Variants in SCN11A observed in about 807,000 individuals in gnomAD.
SCN11A encodes sodium voltage-gated channel alpha subunit 11.
Under a neutral mutation model 162.2 loss-of-function variants are expected in SCN11A, and 122 were observed. That is an observed-to-expected ratio of 0.75 (90% confidence interval 0.65 to 0.87). The LOEUF (loss-of-function observed/expected upper bound fraction) is 0.87. SCN11A is among the 40% of genes least tolerant of loss of function. The pLI is 0.00. For synonymous variants in SCN11A, 758 were observed against 751.5 expected (o/e 1.01, Z -0.14); for missense variants, 2,015 against 2,181.6 (o/e 0.92, Z 1.52).
intron 27 of SCN11A, among the ~76,000 whole-genome samples, chr3:38,865,582 G>C (rs1328494016): frequency 6.6e-6 from 1 of 151,642 alleles, no homozygotes; most frequent in African/African-American, 2.4e-5. Context: ...TTTGGGGATT[G>C]AGAAATGCCT....
chr3:38,985,372 C>T (rs11715343), intron 2 of SCN11A, among the ~76,000 whole-genome samples: 15,279 of 150,460 alleles, frequency 0.1, 1,210 homozygotes, highest in East Asian at 0.21. Flanking sequence ...CCTCGTGATC[C>T]ACCCATCTCG....
chr3:38,943,685 A>G (rs59730261), intron 7 of SCN11A, among the ~76,000 whole-genome samples: 5,340 of 152,322 alleles, frequency 0.035, 199 homozygotes, highest in East Asian at 0.18. Flanking sequence ...ATGGAAACAC[A>G]CAATTCAGAA....
At chr3:39,043,774 G>A (rs2032116177) in intron 1 of SCN11A, among the ~76,000 whole-genome samples, 1 of 152,000 alleles carries the variant, frequency 6.6e-6, no homozygotes, top group Admixed American at 6.6e-5. Context: ...TAGCACAACA[G>A]GGGGACTACA....
rs766752638 is a variant in SCN11A, at chr3:38,957,642, G to A, written c.-139+2641C>T. On this transcript the variant is annotated intron_variant, in intron 3 of 29. Coordinates refer to ENST00000302328, the MANE Select transcript of SCN11A (RefSeq NM_001349253.2). The stretch of plus-strand genomic sequence containing the variant: ...AGGGTGGCCAGGGCTACCTGTCACA[G>A]GGAACTCTGCAACTGCTCTTCTGTA... Among the ~76,000 whole-genome samples the A allele has an allele frequency of 5.3e-5, 8 of 152,218 alleles. 1 individual carries two copies. The highest frequency in any genetic ancestry group is 3.9e-4 in the Admixed American group (6 of 15,282).
intron 28 of SCN11A, among the ~76,000 whole-genome samples, chr3:38,854,753 T>G (rs1337007720): frequency 2.6e-5 from 4 of 152,294 alleles, no homozygotes; most frequent in Non-Finnish European, 1.5e-5. Flanking sequence ...CGAGAGAAGG[T>G]TGTAACCTTA....
intron 23 of SCN11A, among the ~76,000 whole-genome samples, chr3:38,875,684 C>T (rs542970450): frequency 2.0e-4 from 30 of 152,168 alleles, no homozygotes; most frequent in Admixed American, 1.8e-3. Flanking sequence ...AAGAAAACTA[C>T]AAAACACTGC....
rs1167508992 is a variant in SCN11A at position 38,850,422 on chromosome 3, T to C, written c.4327+59A>G. 2.0e-6 allele frequency: 3 copies of C among 1,475,090 alleles called. No homozygotes were observed. The African/African-American group carries it at 4.2e-5, about 21-fold the overall frequency. The allele number at this position is 1,475,090 out of a possible 1,614,324, so 91.4% of individuals were successfully genotyped here. A position where few individuals can be genotyped will look rare whatever the true frequency, so the allele number is the denominator to read the frequency against. On this transcript the variant is annotated intron_variant, in intron 29 of 29. Coordinates refer to ENST00000302328, the MANE Select transcript of SCN11A (RefSeq NM_001349253.2). ...AGTTTGAACAAACTTCAAAAAATGA[T>C]AAGATTTACAAACTTACTTCTGGTT...
At chr3:38,893,433 C>G (rs927020590) in intron 19 of SCN11A, among the ~76,000 whole-genome samples, 9 of 152,022 alleles carry the variant, frequency 5.9e-5, no homozygotes, top group African/African-American at 1.9e-4. Flanking sequence ...ATCTCAATAC[C>G]TTATTTTCAG....
intron 4 of SCN11A, among the ~76,000 whole-genome samples, chr3:38,952,717 TAA>T (rs1272576188): frequency 6.6e-6 from 1 of 152,244 alleles, no homozygotes; most frequent in Non-Finnish European, 1.5e-5. Context: ...TCCAAACCTT[TAA>T]TGTCTAAATT....
chr3:38,858,867 G>A (rs1024025916), intron 28 of SCN11A, among the ~76,000 whole-genome samples: 1 of 151,870 alleles, frequency 6.6e-6, no homozygotes, highest in African/African-American at 2.4e-5. Context: ...ACTCCAAAAG[G>A]AACCTTCAAA....
At chr3:39,038,441 G>A (rs1272494285) in intron 1 of SCN11A, among the ~76,000 whole-genome samples, 1 of 152,206 alleles carries the variant, frequency 6.6e-6, no homozygotes. Context: ...ATAAACAGCA[G>A]AAAATAAAAC....
At chr3:38,889,652 C>T (rs1362761527) in intron 19 of SCN11A, among the ~76,000 whole-genome samples, 55 of 149,486 alleles carry the variant, frequency 3.7e-4, no homozygotes, top group African/African-American at 1.3e-3. Context: ...ACAAAAAAAT[C>T]AGCCGAGTGT....
rs114134297 is a variant in SCN11A at position 38,987,753 on chromosome 3, C to A, written c.-279-27330G>T. ...TGTGAAGCCACAGAGCCCGGGGCTGCTCTCTCAGGGAGCCAAGGTGCCCTC... is the reference window on the plus strand; with the variant it reads ...TGTGAAGCCACAGAGCCCGGGGCTGATCTCTCAGGGAGCCAAGGTGCCCTC... On this transcript the variant is annotated intron_variant, in intron 2 of 29. Transcript: ENST00000302328. 5.9e-3 allele frequency among the ~76,000 whole-genome samples: 895 copies of A among 152,262 alleles called. 8 individuals carry two copies. Among genetic ancestry groups the A allele is most frequent in the African/African-American group, 0.021 (855 of 41,548 alleles).
At chr3:38,972,175 G>A (rs2066820396) in intron 2 of SCN11A, among the ~76,000 whole-genome samples, 1 of 152,234 alleles carries the variant, frequency 6.6e-6, no homozygotes, top group Admixed American at 6.5e-5. Context: ...TCCTGCTGCA[G>A]AGAAGAGCTC....
intron 2 of SCN11A, among the ~76,000 whole-genome samples, chr3:38,994,833 G>C (rs1049964918): frequency 6.6e-6 from 1 of 152,162 alleles, no homozygotes. Flanking sequence ...CTCTGGGGGA[G>C]AGACTCACAT....
chr3:38,991,444 C>A (rs1344996245), intron 2 of SCN11A, among the ~76,000 whole-genome samples: 2 of 152,208 alleles, frequency 1.3e-5, no homozygotes, highest in Non-Finnish European at 2.9e-5. Flanking sequence ...TGTCTCTGAG[C>A]TCCCCAACCT....
At chr3:38,916,337 C>G (rs1438195982) in intron 11 of SCN11A, among the ~76,000 whole-genome samples, 6 of 152,126 alleles carry the variant, frequency 3.9e-5, no homozygotes. Flanking sequence ...CCTAGTCTTT[C>G]TGTCTCCTAA....
intron 2 of SCN11A, among the ~76,000 whole-genome samples, chr3:39,025,405 A>C (rs2125608690): frequency 6.6e-6 from 1 of 152,358 alleles, no homozygotes; most frequent in African/African-American, 2.4e-5. Context: ...CTCCCTAGAC[A>C]GAGGAACAGC....
At chr3:38,909,485 G>C (rs528662855) in intron 12 of SCN11A, among the ~76,000 whole-genome samples, 1 of 152,220 alleles carries the variant, frequency 6.6e-6, no homozygotes, top group African/African-American at 2.4e-5. Context: ...AGAGAGATAG[G>C]GCAGTAGGGA....
Sources: gnomAD v4.1 joint callset for allele counts (sites outside exome capture counted in the v4.1 genomes callset) on GRCh38, gnomAD v4.1.1 for gene constraint, MANE v1.5 for transcripts, NCBI Gene and HGNC (gene_info 2026-07-23, HGNC 2026-07-21) for gene names.